The following PDE2A variants were observed in gnomAD, a reference collection of about 807,000 sequenced individuals.
PDE2A encodes phosphodiesterase 2A.
Under a neutral mutation model 133.6 loss-of-function variants are expected in PDE2A, and 53 were observed. The ratio of observed to expected loss-of-function variants is 0.40; its 90% CI spans 0.32 to 0.50. The LOEUF (loss-of-function observed/expected upper bound fraction) is 0.50. PDE2A is among the 20% of genes least tolerant of loss of function. The probability of loss-of-function intolerance (pLI) is 0.73; values close to 1 mark genes in which losing one functional copy is unlikely to be tolerated. For missense variants in PDE2A, 796 were observed against 1,232.4 expected, an observed-to-expected ratio of 0.65 and a Z score of 5.30; for synonymous variants, 491 against 490.2, an observed-to-expected ratio of 1.00 and a Z score of -0.02.
chr11:72,661,957 A>T (rs1471152849), intron 1 of PDE2A, among the ~76,000 whole-genome samples: 3 of 152,028 alleles, frequency 2.0e-5, no homozygotes, highest in African/African-American at 7.3e-5. Context: ...TTGTGTGTGT[A>T]CTGTGGGTCT....
intron 6 of PDE2A, among the ~76,000 whole-genome samples, chr11:72,592,186 G>T (rs917543479): frequency 6.6e-6 from 1 of 152,182 alleles, no homozygotes; most frequent in East Asian, 1.9e-4. Context: ...CGGTGGGGAG[G>T]GAGGGTGGCA....
At chr11:72,585,300 G>T in intron 16 of PDE2A, 71 bp downstream of exon 16, 4 of 1,273,162 alleles carry the variant, frequency 3.1e-6, no homozygotes, top group South Asian at 1.2e-5. Context: ...AGTGGGTGGG[G>T]CAGGAAAGGA....
Position 72,642,198 on chromosome 11 carries a change from C to T in PDE2A, c.144+56G>A, listed in dbSNP as rs900393575. ...AGGGTTCGGGGGCGGGCAGACCCGG[C>T]CCGGCGCTCGCCGGACACCCCGTTC... On this transcript the variant is annotated intron_variant, in intron 2 of 30. Coordinates refer to ENST00000334456, the MANE Select transcript of PDE2A (RefSeq NM_002599.5). 2.2e-6 allele frequency: 3 copies of T among 1,391,288 alleles called. No individual in the cohort carries two copies. The African/African-American group carries it at 4.6e-5, about 21-fold the overall frequency. The allele number at this position is 1,391,288 out of a possible 1,614,324, so 86.2% of individuals were successfully genotyped here. A position where few individuals can be genotyped will look rare whatever the true frequency, so the allele number is the denominator to read the frequency against.
chr11:72,585,628 G>A (rs1251064074), intron 14 of PDE2A, 35 bp from the exon 15 acceptor site: 14 of 1,600,690 alleles, frequency 8.7e-6, no homozygotes, highest in African/African-American at 2.7e-5. Context: ...TAGGGGGGTC[G>A]GGGTGTAGGG....
intron 1 of PDE2A, among the ~76,000 whole-genome samples, chr11:72,651,595 CA>C (rs1854743078): frequency 6.6e-6 from 1 of 152,154 alleles, no homozygotes; most frequent in Non-Finnish European, 1.5e-5. Flanking sequence ...AACTGGGGAT[CA>C]ACTGGCCTTC....
At chr11:72,600,414 G>A (rs902605317) in intron 4 of PDE2A, among the ~76,000 whole-genome samples, 10 of 152,072 alleles carry the variant, frequency 6.6e-5, no homozygotes, top group African/African-American at 2.2e-4. Context: ...AGGCAGCCTC[G>A]GCACCTTGCT....
intron 2 of PDE2A, among the ~76,000 whole-genome samples, chr11:72,623,172 A>G (rs1487092221): frequency 1.3e-5 from 2 of 152,112 alleles, no homozygotes; most frequent in Non-Finnish European, 2.9e-5. Context: ...GCTCCAGCCC[A>G]TCACTGAAAT....
chr11:72,669,258 AC>A lies in PDE2A; in HGVS notation c.71+4878del, dbSNP rs1855328846. Among the ~76,000 whole-genome samples, 4 of 152,280 alleles carry A rather than the reference AC, an allele frequency of 2.6e-5. No homozygotes were observed. The South Asian group carries it at 8.3e-4, about 32-fold the overall frequency. On this transcript the variant is annotated intron_variant, in intron 1 of 30. Coordinates refer to ENST00000334456, the MANE Select transcript of PDE2A (RefSeq NM_002599.5). ...CAAAGCCTCCTCTGCGCCCAAGGCA[AC>A]CATCCAAAGAATGAAAGCCCAGAAA...
chr11:72,605,367 C>G (rs1054402690), intron 3 of PDE2A, 141 bp from the exon 4 acceptor site: 2 of 451,084 alleles, frequency 4.4e-6, no homozygotes, highest in African/African-American at 4.0e-5. Flanking sequence ...GTTTTTCTCT[C>G]CAGGTGATTC....
At chr11:72,598,571 C>T (rs898159753) in intron 4 of PDE2A, 24 of 1,288,962 alleles carry the variant, frequency 1.9e-5, no homozygotes, top group African/African-American at 4.6e-5. Context: ...ATCCCTCATG[C>T]TGCCTCCACT....
In PDE2A at chr11:72,578,645, G is replaced by T; in HGVS notation, c.2470-131C>A. ...CCCAGCTCAGGAGCCGTCCCCACCA[G>T]CCCCAGCTTGGCAGTGGGATGGCCT... is the stretch of plus-strand genomic sequence containing the variant. On this transcript the variant is annotated intron_variant, in intron 28 of 30. Coordinates refer to ENST00000334456, the MANE Select transcript of PDE2A (RefSeq NM_002599.5). This position sits in a 1 kb window ranked among gnomAD's most constrained non-coding sequence, Gnocchi z 4.2. The T allele has an allele frequency of 2.4e-6, 2 of 831,914 alleles. No homozygotes were observed. Among genetic ancestry groups the T allele is most frequent in the Non-Finnish European group, 3.9e-6 (2 of 506,958 alleles). 51.5% of individuals were successfully genotyped at this position (831,914 alleles called of 1,614,324 possible). A position where few individuals can be genotyped will look rare whatever the true frequency, so the allele number is the denominator to read the frequency against.
At chr11:72,586,256 C>T (rs1388815328) in intron 13 of PDE2A, 75 bp from the exon 14 acceptor site, 6 of 890,188 alleles carry the variant, frequency 6.7e-6, no homozygotes, top group Non-Finnish European at 1.1e-5. Context: ...ACTTCTGTTC[C>T]ATCAGAAGCC....
Position 72,579,527 on chromosome 11 carries a change from C to CCCACAA in PDE2A, c.2256+6_2256+7insTTGTGG. The stretch of plus-strand genomic sequence containing the variant: ...CTCAATCCCCACCCCACCCCCAACC[C>CCCACAA]CATCACCTTCCGGGAGAAATGATCA... On this transcript the variant is annotated splice_region_variant and intron_variant, in intron 26 of 30. Coordinates refer to ENST00000334456, the MANE Select transcript of PDE2A (RefSeq NM_002599.5). 1 of 1,580,280 alleles carries CCCACAA rather than the reference C, an allele frequency of 6.3e-7. No individual in the cohort carries two copies. The highest frequency in any genetic ancestry group is 8.7e-7 in the Non-Finnish European group (1 of 1,152,748).
At chr11:72,600,712 C>T (rs969954174) in intron 4 of PDE2A, among the ~76,000 whole-genome samples, 3 of 152,138 alleles carry the variant, frequency 2.0e-5, no homozygotes, top group East Asian at 1.9e-4. Context: ...ACCCCACCCC[C>T]ACCCTGCCTT....
intron 2 of PDE2A, among the ~76,000 whole-genome samples, chr11:72,611,189 AG>A (rs1211243337): frequency 6.6e-6 from 1 of 152,154 alleles, no homozygotes; most frequent in African/African-American, 2.4e-5. Context: ...AGCCTGATAC[AG>A]GGGGAGAAAT....
chr11:72,591,220 T>A, intron 7 of PDE2A, 77 bp downstream of exon 7: 2 of 1,244,420 alleles, frequency 1.6e-6, no homozygotes, highest in South Asian at 1.2e-5. Context: ...TCTGTCCAGC[T>A]CCCTGGCCAG....
rs1330280418 is a variant in PDE2A at position 72,597,147 on chromosome 11, G to C, written c.433+363C>G. Reference sequence around the variant, plus strand: ...AAATAGGGCCAATGACAGTGACAGAGAGAATGTGAGAACAACTACAGCCCC... The same window carrying C: ...AAATAGGGCCAATGACAGTGACAGACAGAATGTGAGAACAACTACAGCCCC... On this transcript the variant is annotated intron_variant, in intron 5 of 30. Coordinates refer to ENST00000334456, the MANE Select transcript of PDE2A (RefSeq NM_002599.5). This position sits in a 1 kb window ranked among gnomAD's most constrained non-coding sequence, Gnocchi z 4.6. Among the ~76,000 whole-genome samples the C allele has an allele frequency of 1.3e-5, 2 of 152,096 alleles. No individual in the cohort carries two copies. Among genetic ancestry groups the C allele is most frequent in the Non-Finnish European group, 2.9e-5 (2 of 68,034 alleles).
Position 72,584,987 on chromosome 11 carries a change from C to T in PDE2A, c.1287-43G>A, listed in dbSNP as rs758758862. The stretch of plus-strand genomic sequence containing the variant: ...TGGTCCTCTGGGGCCTGACAACCCC[C>T]TCTGATCGCCCTCACGTCCCATAAG... On this transcript the variant is annotated intron_variant, in intron 16 of 30. Coordinates refer to ENST00000334456, the MANE Select transcript of PDE2A (RefSeq NM_002599.5). The T allele has an allele frequency of 1.9e-6, 3 of 1,584,702 alleles. No individual in the cohort carries two copies. In the South Asian group the frequency reaches 3.3e-5, roughly 18 times the overall value.
chr11:72,619,294 G>C (rs1420778232), intron 2 of PDE2A, among the ~76,000 whole-genome samples: 2 of 152,218 alleles, frequency 1.3e-5, no homozygotes, highest in Non-Finnish European at 2.9e-5. Flanking sequence ...ACACTCATCA[G>C]AACTGACCTC....
Sources: gnomAD v4.1 joint callset for allele counts (sites outside exome capture counted in the v4.1 genomes callset) on GRCh38, gnomAD v4.1.1 for gene constraint, Gnocchi (gnomAD v3.1) non-coding constraint, MANE v1.5 for transcripts, NCBI Gene and HGNC (gene_info 2026-07-23, HGNC 2026-07-21) for gene names.